Variants in CACNG3 observed in about 807,000 individuals in gnomAD.
CACNG3 encodes the protein calcium voltage-gated channel auxiliary subunit gamma 3.
CACNG3 carries 3 observed loss-of-function variants against 28.5 expected under a neutral mutation model. The observed-to-expected ratio is 0.11, with a 90% CI of 0.05 to 0.27. The LOEUF (loss-of-function observed/expected upper bound fraction) is 0.27. Ranked by LOEUF, CACNG3 falls within the 10% of genes least tolerant of loss-of-function variation. The pLI is 1.00. For synonymous variants in CACNG3, 174 were observed against 162.2 expected (o/e 1.07, Z -0.55); for missense variants, 236 against 414.4 (o/e 0.57, Z 3.74).
At chr16:24,262,989 G>A (rs1392316785) in intron 1 of CACNG3, among the ~76,000 whole-genome samples, 1 of 152,192 alleles carries the variant, frequency 6.6e-6, no homozygotes, top group Admixed American at 6.5e-5. Flanking sequence ...TGTTCACATA[G>A]AGCACAGTGA....
intron 3 of CACNG3, among the ~76,000 whole-genome samples, chr16:24,359,794 T>C (rs936915933): frequency 4.0e-5 from 6 of 151,866 alleles, no homozygotes; most frequent in African/African-American, 1.5e-4. Flanking sequence ...GCCCAGGAGG[T>C]TGAGGTTACA....
rs149055516 is a variant in CACNG3, at chr16:24,350,274, G to A, written c.295+3457G>A. Among the ~76,000 whole-genome samples the A allele has an allele frequency of 7.9e-3, 1,198 of 152,004 alleles. 14 individuals are homozygous for A. The highest frequency in any genetic ancestry group is 0.028 in the African/African-American group (1,143 of 41,450). Reference sequence around the variant, plus strand: ...TGATGATTGCACCACTTGGGAAACAGTCACATTTACGTATCTCCTATCCAC... The same window carrying A: ...TGATGATTGCACCACTTGGGAAACAATCACATTTACGTATCTCCTATCCAC... On this transcript the variant is annotated intron_variant, in intron 2 of 3. Transcript: ENST00000005284.
In CACNG3 at chr16:24,339,769, C is replaced by G. The variant is rs531555586; in HGVS notation, c.212-6965C>G. Among the ~76,000 whole-genome samples the G allele has an allele frequency of 9.2e-5, 14 of 152,244 alleles. No homozygotes were observed. The South Asian group carries it at 2.7e-3, about 29-fold the overall frequency. ...CATTTTTTTTCTGTTGCTTATAACT[C>G]TTAATTCTGTTTTATTCCTTCTTGT... On this transcript the variant is annotated intron_variant, in intron 1 of 3. Coordinates refer to ENST00000005284, the MANE Select transcript of CACNG3 (RefSeq NM_006539.4).
intron 1 of CACNG3, among the ~76,000 whole-genome samples, chr16:24,280,821 CAAAAAAAAA>C (rs71154295): frequency 7.2e-5 from 4 of 55,626 alleles, no homozygotes; most frequent in African/African-American, 1.5e-4. Context: ...GAGTTTGTCT[CAAAAAAAAA>C]AAAAAAAAAA....
intron 1 of CACNG3, among the ~76,000 whole-genome samples, chr16:24,267,444 T>C (rs1206359309): frequency 1.3e-5 from 2 of 152,088 alleles, no homozygotes; most frequent in African/African-American, 4.8e-5. Flanking sequence ...CATGCCACCA[T>C]GCCCAGCTAT....
intron 1 of CACNG3, among the ~76,000 whole-genome samples, chr16:24,260,971 A>G (rs1264304247): frequency 1.3e-5 from 2 of 152,242 alleles, no homozygotes; most frequent in Non-Finnish European, 2.9e-5. Context: ...GGAGACAATC[A>G]AAGCAATGTA....
intron 1 of CACNG3, among the ~76,000 whole-genome samples, chr16:24,341,983 A>T (rs1899796257): frequency 6.6e-6 from 1 of 152,172 alleles, no homozygotes; most frequent in South Asian, 2.1e-4. Context: ...TTGCAGCAGC[A>T]TAGGCCAGGA....
intron 1 of CACNG3, among the ~76,000 whole-genome samples, chr16:24,307,194 TCACTGCAACTTCTGCCTCC>T: frequency 6.6e-6 from 1 of 152,274 alleles, no homozygotes; most frequent in Non-Finnish European, 1.5e-5. Flanking sequence ...CGATCTCAGC[TCACTGCAACTTCTGCCTCC>T]CAGGTTCAAG....
At chr16:24,359,141 G>T (rs541298866) in intron 3 of CACNG3, among the ~76,000 whole-genome samples, 1 of 152,196 alleles carries the variant, frequency 6.6e-6, no homozygotes, top group East Asian at 1.9e-4. Flanking sequence ...ATTCCTCATG[G>T]CAGAGGAGAG....
chr16:24,303,476 T>C (rs908228147), intron 1 of CACNG3, among the ~76,000 whole-genome samples: 17 of 152,100 alleles, frequency 1.1e-4, no homozygotes, highest in Non-Finnish European at 4.4e-5. Context: ...AGGTGTGAGC[T>C]ACTGAACCTG....
chr16:24,338,519 T>C (rs892795557), intron 1 of CACNG3, among the ~76,000 whole-genome samples: 6 of 151,924 alleles, frequency 3.9e-5, no homozygotes, highest in African/African-American at 1.5e-4. Context: ...TATTTTTGTA[T>C]TTTTTAGTAG....
intron 1 of CACNG3, among the ~76,000 whole-genome samples, chr16:24,291,747 TA>T (rs1194452878): frequency 4.6e-5 from 7 of 151,964 alleles, no homozygotes; most frequent in African/African-American, 7.3e-5. Flanking sequence ...CCTCATCTGT[TA>T]AAGAAAGGAG....
chr16:24,277,828 A>G (rs935433862), intron 1 of CACNG3, among the ~76,000 whole-genome samples: 2 of 151,978 alleles, frequency 1.3e-5, no homozygotes, highest in African/African-American at 4.8e-5. Context: ...AGTTTTAAGC[A>G]GAAGAGCAAT....
At position 24,355,267 on chromosome 16, in the gene CACNG3, GATTT is replaced by G. The variant is rs558488878; in HGVS notation, c.436+297_436+300del. ...AGAGAGAAAGAGAAAAGGAGAGAGA[GATTT>G]ATAAGAGTGTACATACATGCTTGCT... is the stretch of plus-strand genomic sequence containing the variant. On this transcript the variant is annotated intron_variant, in intron 3 of 3. Coordinates refer to ENST00000005284, the MANE Select transcript of CACNG3 (RefSeq NM_006539.4). Among the ~76,000 whole-genome samples the G allele has an allele frequency of 4.0e-5, 6 of 151,706 alleles. No individual in the cohort carries two copies. In the South Asian group the frequency reaches 1.3e-3, roughly 32 times the overall value.
intron 1 of CACNG3, among the ~76,000 whole-genome samples, chr16:24,299,985 A>G (rs546441801): frequency 1.3e-5 from 2 of 152,158 alleles, no homozygotes; most frequent in African/African-American, 4.8e-5. Flanking sequence ...GTATTTTAAC[A>G]TAACATTTCT....
At chr16:24,268,264 G>A (rs1169073049) in intron 1 of CACNG3, among the ~76,000 whole-genome samples, 1 of 152,166 alleles carries the variant, frequency 6.6e-6, no homozygotes, top group African/African-American at 2.4e-5. Flanking sequence ...TCTACTACTA[G>A]TTGTCTGCTC....
intron 2 of CACNG3, among the ~76,000 whole-genome samples, chr16:24,349,324 T>G (rs1250011076): frequency 6.6e-6 from 1 of 152,190 alleles, no homozygotes; most frequent in Non-Finnish European, 1.5e-5. Context: ...TTCTTGGATC[T>G]CACACAAGAA....
chr16:24,326,820 G>C lies in CACNG3; in HGVS notation c.212-19914G>C, dbSNP rs541546540. ...AGGGAGAATGGAAGCTCCTCTGGCAGCTAGAACAGATGTTCCCTCCAGATG... is the reference window on the plus strand; with the variant it reads ...AGGGAGAATGGAAGCTCCTCTGGCACCTAGAACAGATGTTCCCTCCAGATG... On this transcript the variant is annotated intron_variant, in intron 1 of 3. Transcript: ENST00000005284. 1.1e-4 allele frequency among the ~76,000 whole-genome samples: 17 copies of C among 152,312 alleles called. No individual in the cohort carries two copies. In the South Asian group the frequency reaches 3.5e-3, roughly 32 times the overall value.
At chr16:24,344,364 G>A (rs761598704) in intron 1 of CACNG3, among the ~76,000 whole-genome samples, 3 of 151,462 alleles carry the variant, frequency 2.0e-5, no homozygotes, top group Admixed American at 6.6e-5. Flanking sequence ...AGTTGAGATC[G>A]TGCCACTGCA....
Sources: allele counts gnomAD v4.1 joint callset (sites outside exome capture counted in the v4.1 genomes callset), GRCh38; gene constraint gnomAD v4.1.1; transcripts MANE v1.5; gene names NCBI Gene and HGNC (gene_info 2026-07-23, HGNC 2026-07-21).